The following MYO9A variants were observed in gnomAD, a reference collection of about 807,000 sequenced individuals.
MYO9A encodes the protein myosin IXA, also known as unconventional myosin-IXa.
Under a neutral mutation model 293.3 loss-of-function variants are expected in MYO9A, and 103 were observed. That is an observed-to-expected ratio of 0.35 (90% CI 0.30 to 0.41). The LOEUF (loss-of-function observed/expected upper bound fraction) is 0.41, where lower values mean the gene tolerates loss of function less well. MYO9A is among the 10% of genes least tolerant of loss of function. The probability of loss-of-function intolerance (pLI) is 1.00; values close to 1 mark genes in which losing one functional copy is unlikely to be tolerated. For synonymous variants in MYO9A, 1,001 were observed against 1,035.7 expected, an observed-to-expected ratio of 0.97 and a Z score of 0.64; for missense variants, 2,685 against 3,033.0, an observed-to-expected ratio of 0.89 and a Z score of 2.69.
At chr15:71,973,463 T>C (rs527543956) in intron 12 of MYO9A, among the ~76,000 whole-genome samples, 2 of 152,310 alleles carry the variant, frequency 1.3e-5, no homozygotes, top group South Asian at 4.1e-4. Flanking sequence ...TTTGGGTTGA[T>C]GTAGGACACA....
At chr15:71,956,320 A>AT (rs1567314762) in intron 14 of MYO9A, among the ~76,000 whole-genome samples, 183 of 17,470 alleles carry the variant, frequency 0.01, 2 homozygotes, top group Middle Eastern at 0.045. Context: ...TAAAAAAAAA[A>AT]AAAAAAAAAA....
chr15:71,947,322 T>C (rs1422417460), intron 15 of MYO9A, among the ~76,000 whole-genome samples: 1 of 151,768 alleles, frequency 6.6e-6, no homozygotes. Context: ...TTTACTTCCT[T>C]TTACTTATTT....
chr15:71,935,255 C>G (rs2058605113), intron 17 of MYO9A, 86 bp downstream of exon 17: 3 of 1,353,578 alleles, frequency 2.2e-6, no homozygotes, highest in Non-Finnish European at 2.0e-6. Flanking sequence ...TCACCATCTT[C>G]CTTCTTCATT....
intron 34 of MYO9A, among the ~76,000 whole-genome samples, chr15:71,856,153 A>G (rs1220368054): frequency 6.6e-6 from 1 of 152,024 alleles, no homozygotes; most frequent in Admixed American, 6.6e-5. Context: ...TCTACTAAAA[A>G]TACAAAAATT....
intron 39 of MYO9A, among the ~76,000 whole-genome samples, chr15:71,831,376 C>T (rs1439041979): frequency 6.6e-6 from 1 of 152,178 alleles, no homozygotes; most frequent in Non-Finnish European, 1.5e-5. Flanking sequence ...CCTACAAAGA[C>T]TAAAATATTT....
chr15:72,013,723 G>A (rs1197427283), intron 6 of MYO9A, among the ~76,000 whole-genome samples: 2 of 152,216 alleles, frequency 1.3e-5, no homozygotes, highest in Non-Finnish European at 2.9e-5. Flanking sequence ...GTGAGGGAGA[G>A]AAAGAGAAGA....
At chr15:72,000,907 A>C (rs2076845010) in intron 8 of MYO9A, among the ~76,000 whole-genome samples, 1 of 152,234 alleles carries the variant, frequency 6.6e-6, no homozygotes, top group Admixed American at 6.5e-5. Context: ...CACGATTTAC[A>C]ATTTTGTATG....
Position 71,825,144 on chromosome 15 carries a change from A to AAAAC in MYO9A, c.*1432_*1435dup, listed in dbSNP as rs1444316365. ...CATTTTTTATATATTATAAATAGCA[A>AAAAC]AAACAGATTTCTAATCCCACAAATG... On this transcript the variant is annotated 3_prime_UTR_variant, in exon 42 of 42. Coordinates refer to ENST00000356056, the MANE Select transcript of MYO9A (RefSeq NM_006901.4). 6.6e-6 allele frequency: 1 copy of AAAAC among 152,244 alleles called. No individual in the cohort carries two copies. The highest frequency in any genetic ancestry group is 2.4e-5 in the African/African-American group (1 of 41,458). The allele number at this position is 152,244 out of a possible 1,614,324, so 9.4% of individuals were successfully genotyped here.
In MYO9A at chr15:71,968,075, T is replaced by G. The variant is rs552840125; in HGVS notation, c.1895A>C (p.His632Pro). The G allele has an allele frequency of 1.2e-6, 2 of 1,611,976 alleles. No individual in the cohort carries two copies. Among genetic ancestry groups the G allele is most frequent in the Non-Finnish European group, 8.5e-7 (1 of 1,178,912 alleles). ...QTLLDKFKHQ[H>P]EDNSYIEFPA... The stretch of plus-strand genomic sequence containing the variant: ...AAATTCGATGTAAGAATTATCTTCA[T>G]GTTGATGCTTAAACTTGTCTAGCAA... The change falls in exon 13 of 42, where the codon CAT becomes CCT. Residue 632 changes from histidine (H) to proline (P), a missense_variant. This residue lies in a region of MYO9A where 201 missense variants were observed against 245.2 expected (regional missense o/e 0.82). Transcript: ENST00000356056.
intron 1 of MYO9A, among the ~76,000 whole-genome samples, chr15:72,069,728 A>G (rs1017021847): frequency 2.0e-5 from 3 of 151,932 alleles, no homozygotes; most frequent in Non-Finnish European, 4.4e-5. Flanking sequence ...TTTAATTTGC[A>G]TACTCATGAA....
At chr15:72,087,410 T>G (rs1413738501) in intron 1 of MYO9A, among the ~76,000 whole-genome samples, 1 of 152,206 alleles carries the variant, frequency 6.6e-6, no homozygotes, top group Admixed American at 6.5e-5. Context: ...TTTTCAAGTG[T>G]GCTTGAGAAT....
intron 7 of MYO9A, among the ~76,000 whole-genome samples, chr15:72,009,455 T>C (rs2077111340): frequency 1.3e-5 from 2 of 151,982 alleles, no homozygotes; most frequent in African/African-American, 4.8e-5. Context: ...GCGGGCGCAG[T>C]GGCTCATGCT....
chr15:71,837,399 T>C (rs560026569), intron 39 of MYO9A, among the ~76,000 whole-genome samples: 3 of 152,244 alleles, frequency 2.0e-5, no homozygotes, highest in East Asian at 1.9e-4. Context: ...TGACAAAGTA[T>C]TCTTTATGTT....
rs753723428 is a variant in MYO9A, at chr15:71,826,538, G to A, written c.*42C>T. 4 of 1,523,218 alleles carry A rather than the reference G, an allele frequency of 2.6e-6. No individual in the cohort carries two copies. The highest frequency in any genetic ancestry group is 3.5e-6 in the Non-Finnish European group (4 of 1,137,316). 94.4% of individuals were successfully genotyped at this position (1,523,218 alleles called of 1,614,324 possible). On this transcript the variant is annotated 3_prime_UTR_variant, in exon 42 of 42. Transcript: ENST00000356056. ...AAACGCAGCCCCAAAGGTGAGATTT[G>A]TTTACCACTCTGTAGCCACGGAGGG...
chr15:71,991,009 A>G (rs1596332120), intron 11 of MYO9A, 94 bp downstream of exon 11: 2 of 1,187,644 alleles, frequency 1.7e-6, no homozygotes, highest in South Asian at 2.3e-5. Flanking sequence ...ATGTAAATCA[A>G]TAAAATGTGT....
intron 1 of MYO9A, among the ~76,000 whole-genome samples, chr15:72,051,676 T>C (rs1385095647): frequency 6.6e-6 from 1 of 152,076 alleles, no homozygotes; most frequent in Non-Finnish European, 1.5e-5. Flanking sequence ...CCTGGCCAAG[T>C]GTGCACACGC....
chr15:72,106,734 G>A (rs546127816), intron 1 of MYO9A, among the ~76,000 whole-genome samples: 1 of 152,160 alleles, frequency 6.6e-6, no homozygotes, highest in African/African-American at 2.4e-5. Context: ...CCAAAGTGCT[G>A]GGATTACAGG....
chr15:71,978,139 C>T (rs778107481), intron 12 of MYO9A, 32 bp downstream of exon 12: 1 of 1,606,300 alleles, frequency 6.2e-7, no homozygotes, highest in South Asian at 1.1e-5. Context: ...GCCAAAACAG[C>T]CAATAACAAA....
chr15:72,100,387 C>T (rs2080235294), intron 1 of MYO9A, among the ~76,000 whole-genome samples: 1 of 152,154 alleles, frequency 6.6e-6, no homozygotes, highest in Admixed American at 6.5e-5. Flanking sequence ...ACAACCCCGT[C>T]TGGGAAGTGA....
Sources: gnomAD v4.1 joint callset for allele counts (sites outside exome capture counted in the v4.1 genomes callset) on GRCh38, gnomAD v4.1.1 for gene constraint, gnomAD v4.1.1 regional missense constraint, MANE v1.5 for transcripts, NCBI Gene and HGNC (gene_info 2026-07-23, HGNC 2026-07-21) for gene names.